IL1RAPL1: variants seen among roughly 807,000 people sequenced by gnomAD.
IL1RAPL1 encodes interleukin 1 receptor accessory protein like 1.
In IL1RAPL1, 3 loss-of-function variants were observed where a neutral mutation model predicts 48.4. That is an observed-to-expected ratio of 0.06 (90% CI 0.03 to 0.16). IL1RAPL1 has a LOEUF of 0.16. Ranked by LOEUF, IL1RAPL1 falls within the 10% of genes least tolerant of loss-of-function variation. The pLI is 1.00. For synonymous variants in IL1RAPL1, 185 were observed against 187.7 expected (o/e 0.99, Z 0.12); for missense variants, 349 against 530.6 (o/e 0.66, Z 3.36).
chrX:29,590,377 T>C (rs1212178246), intron 5 of IL1RAPL1, among the ~76,000 whole-genome samples: 1 of 111,709 alleles, frequency 9.0e-6, no homozygotes, highest in East Asian at 2.8e-4. Context: ...ACAATAAAAT[T>C]AGACACTTTA....
At chrX:29,831,572 TTTGG>T (rs1930877452) in intron 6 of IL1RAPL1, among the ~76,000 whole-genome samples, 1 of 111,918 alleles carries the variant, frequency 8.9e-6, no homozygotes, top group African/African-American at 3.2e-5. Context: ...TGCTAAGAAA[TTTGG>T]GCTTGGTTAA....
rs113391817 is a variant in IL1RAPL1, at chrX:28,700,014, G to C, written c.-24-89306G>C. Among the ~76,000 whole-genome samples, 876 of 110,923 alleles carry C rather than the reference G, an allele frequency of 7.9e-3. 15 individuals are homozygous for C. The highest frequency in any genetic ancestry group is 0.027 in the African/African-American group (813 of 30,561). On this transcript the variant is annotated intron_variant, in intron 1 of 10. Coordinates refer to ENST00000378993, the MANE Select transcript of IL1RAPL1 (RefSeq NM_014271.4). ...GGTCTTACAAAACCTGACATAGAAG[G>C]CTATAATACCCCACAGAGACATGAT...
chrX:29,192,736 A>C (rs1930375064), intron 2 of IL1RAPL1, among the ~76,000 whole-genome samples: 1 of 112,073 alleles, frequency 8.9e-6, no homozygotes, highest in South Asian at 3.6e-4. Flanking sequence ...TATAAAACAG[A>C]CAAAAAATAT....
rs368032954 is a variant in IL1RAPL1, at chrX:29,182,478, A to T, written c.83-100460A>T. On this transcript the variant is annotated intron_variant, in intron 2 of 10. Transcript: ENST00000378993. ...ACCAAAATCTTCCTTTGGATTGCAC[A>T]TAGTTGAATTGCTAGAGAAATCAAT... is the stretch of plus-strand genomic sequence containing the variant. 9.8e-5 allele frequency among the ~76,000 whole-genome samples: 11 copies of T among 112,170 alleles called. No individual in the cohort carries two copies. In the East Asian group the frequency reaches 1.1e-3, roughly 11 times the overall value.
intron 2 of IL1RAPL1, among the ~76,000 whole-genome samples, chrX:28,917,960 A>G (rs761942744): frequency 3.4e-4 from 38 of 112,122 alleles, no homozygotes; most frequent in Admixed American, 2.3e-3. Flanking sequence ...TGCTTATTTT[A>G]TATGTATGAG....
chrX:28,749,480 G>T (rs1004424283), intron 1 of IL1RAPL1, among the ~76,000 whole-genome samples: 7 of 111,367 alleles, frequency 6.3e-5, no homozygotes, highest in African/African-American at 2.3e-4. Flanking sequence ...ATGGTATGTC[G>T]TTGAGGTTGA....
chrX:29,830,983 C>G (rs1396384863), intron 6 of IL1RAPL1, among the ~76,000 whole-genome samples: 1 of 111,276 alleles, frequency 9.0e-6, no homozygotes, highest in African/African-American at 3.3e-5. Context: ...GGAAATGGCC[C>G]TAAGAGCTAG....
rs746909064 is a variant in IL1RAPL1, at chrX:29,532,854, C to A, written c.703+133546C>A. ...GCAGTAAGGTGAAGCACCTCTCTTCCCTACCCCATTGACTCCCAAGAAGCG... is the reference window on the plus strand; with the variant it reads ...GCAGTAAGGTGAAGCACCTCTCTTCACTACCCCATTGACTCCCAAGAAGCG... On this transcript the variant is annotated intron_variant, in intron 5 of 10. Transcript: ENST00000378993. 2.7e-5 allele frequency among the ~76,000 whole-genome samples: 3 copies of A among 111,711 alleles called. No homozygotes were observed. In the Admixed American group the frequency reaches 2.9e-4, roughly 11 times the overall value.
intron 1 of IL1RAPL1, among the ~76,000 whole-genome samples, chrX:28,737,211 CTTTCTTTCTTTCTT>C (rs1935850069): frequency 5.9e-5 from 3 of 50,496 alleles, no homozygotes; most frequent in Admixed American, 7.3e-4. Context: ...CTTTCTCTTT[CTTTCTTTCTTTCTT>C]TCTTTCTTTC....
intron 2 of IL1RAPL1, among the ~76,000 whole-genome samples, chrX:29,023,456 T>G (rs990638767): frequency 1.8e-5 from 2 of 112,724 alleles, no homozygotes; most frequent in Non-Finnish European, 3.8e-5. Flanking sequence ...ACATACCAGC[T>G]ATAAATTTAA....
chrX:29,816,403 T>C lies in IL1RAPL1; in HGVS notation c.779-101061T>C, dbSNP rs189758435. Among the ~76,000 whole-genome samples, 101 of 110,529 alleles carry C rather than the reference T, an allele frequency of 9.1e-4. 1 individual carries two copies. The highest frequency in any genetic ancestry group is 1.1e-3 in the South Asian group (3 of 2,615). Reference sequence around the variant, plus strand: ...AATGAAAACCCTAAACAGAGTAATATTGAGTTCTGAATTGAAGCAGTAATA... The same window carrying C: ...AATGAAAACCCTAAACAGAGTAATACTGAGTTCTGAATTGAAGCAGTAATA... On this transcript the variant is annotated intron_variant, in intron 6 of 10. Coordinates refer to ENST00000378993, the MANE Select transcript of IL1RAPL1 (RefSeq NM_014271.4).
At chrX:28,785,230 T>C (rs1936462425) in intron 1 of IL1RAPL1, among the ~76,000 whole-genome samples, 1 of 111,654 alleles carries the variant, frequency 9.0e-6, no homozygotes, top group Non-Finnish European at 1.9e-5. Flanking sequence ...GCTTAAGTGA[T>C]CCACCCGCCT....
chrX:29,511,646 T>A (rs961866136), intron 5 of IL1RAPL1, among the ~76,000 whole-genome samples: 99 of 112,052 alleles, frequency 8.8e-4, no homozygotes, highest in Non-Finnish European at 3.0e-4. Context: ...TGTATGCTAT[T>A]AGGCCTATGA....
chrX:29,910,990 C>T (rs1039057178), intron 6 of IL1RAPL1, among the ~76,000 whole-genome samples: 13 of 111,344 alleles, frequency 1.2e-4, no homozygotes, highest in African/African-American at 4.2e-4. Flanking sequence ...ACATAAGATT[C>T]TCTTATGGCC....
intron 2 of IL1RAPL1, among the ~76,000 whole-genome samples, chrX:28,795,693 ATTAC>A (rs1480026846): frequency 7.2e-5 from 8 of 111,002 alleles, no homozygotes; most frequent in East Asian, 2.8e-4. Flanking sequence ...ATTCCAACTT[ATTAC>A]TTATTATTGC....
intron 8 of IL1RAPL1, among the ~76,000 whole-genome samples, chrX:29,931,762 A>T (rs1304166255): frequency 8.9e-6 from 1 of 112,335 alleles, no homozygotes; most frequent in East Asian, 2.8e-4. Flanking sequence ...ATGGAAGACC[A>T]AATTGTTCTA....
chrX:29,504,557 C>A (rs1210623333), intron 5 of IL1RAPL1, among the ~76,000 whole-genome samples: 1 of 111,904 alleles, frequency 8.9e-6, no homozygotes, highest in Non-Finnish European at 1.9e-5. Context: ...CATTCTCTTG[C>A]TGAACAGAAC....
chrX:29,329,261 G>A (rs1343323873), intron 3 of IL1RAPL1, among the ~76,000 whole-genome samples: 1 of 111,026 alleles, frequency 9.0e-6, no homozygotes, highest in Non-Finnish European at 1.9e-5. Flanking sequence ...TTACTACTAT[G>A]AGTCTCATCT....
At chrX:28,959,425 T>C (rs1601978396) in intron 2 of IL1RAPL1, among the ~76,000 whole-genome samples, 1 of 111,785 alleles carries the variant, frequency 8.9e-6, no homozygotes, top group African/African-American at 3.2e-5. Context: ...TTCATAAAAA[T>C]TGTGCCAATT....
Sources: gnomAD v4.1 joint callset for allele counts (sites outside exome capture counted in the v4.1 genomes callset) on GRCh38, gnomAD v4.1.1 for gene constraint, MANE v1.5 for transcripts, NCBI Gene and HGNC (gene_info 2026-07-23, HGNC 2026-07-21) for gene names.